TINAG: variants seen among roughly 807,000 people sequenced by gnomAD.
The protein encoded by TINAG is tubulointerstitial nephritis antigen.
TINAG carries 83 observed loss-of-function variants against 72.7 expected under a neutral mutation model. That is an observed-to-expected ratio of 1.14 (90% CI 0.96 to 1.37). The LOEUF is 1.37. TINAG is among the 40% of genes most tolerant of loss of function. The pLI is 0.00. For missense variants in TINAG, 685 were observed against 576.6 expected, an observed-to-expected ratio of 1.19 and a Z score of -1.93; for synonymous variants, 234 against 189.9, an observed-to-expected ratio of 1.23 and a Z score of -1.91.
chr6:54,372,789 T>C (rs960600453), intron 9 of TINAG, among the ~76,000 whole-genome samples: 4 of 140,584 alleles, frequency 2.8e-5, no homozygotes, highest in African/African-American at 1.1e-4. Context: ...CACACACATA[T>C]ACATGACAAT....
intron 1 of TINAG, among the ~76,000 whole-genome samples, chr6:54,310,477 CCT>C (rs1491084184): frequency 7.4e-5 from 9 of 121,206 alleles, no homozygotes; most frequent in Admixed American, 4.3e-4. Flanking sequence ...TTTCTCCCTC[CCT>C]CTCTTTCTTT....
intron 9 of TINAG, among the ~76,000 whole-genome samples, chr6:54,376,462 C>G (rs907926780): frequency 6.6e-6 from 1 of 151,976 alleles, no homozygotes; most frequent in Non-Finnish European, 1.5e-5. Flanking sequence ...TATTTTCAAC[C>G]CTCTCTTATT....
chr6:54,370,370 G>A (rs548971166), intron 9 of TINAG, among the ~76,000 whole-genome samples: 32 of 151,920 alleles, frequency 2.1e-4, no homozygotes, highest in Admixed American at 7.2e-4. Flanking sequence ...CTGTTATGTT[G>A]AATGACTTCC....
At chr6:54,372,835 G>A (rs1312897434) in intron 9 of TINAG, among the ~76,000 whole-genome samples, 3 of 148,656 alleles carry the variant, frequency 2.0e-5, no homozygotes, top group Non-Finnish European at 3.0e-5. Flanking sequence ...TTGTTAAAAG[G>A]CATATGTTGC....
intron 4 of TINAG, among the ~76,000 whole-genome samples, chr6:54,334,007 T>C (rs1040088802): frequency 2.0e-5 from 3 of 152,216 alleles, no homozygotes; most frequent in African/African-American, 7.2e-5. Context: ...CTTTGAACTA[T>C]CATATTGGTT....
intron 9 of TINAG, among the ~76,000 whole-genome samples, chr6:54,359,047 T>C (rs566432928): frequency 9.2e-5 from 14 of 151,898 alleles, no homozygotes; most frequent in African/African-American, 3.4e-4. Flanking sequence ...GAACAAAAGG[T>C]TTTTTTGTTA....
rs143746020 is a variant in TINAG, at chr6:54,350,391, A to T, written c.1080+495A>T. On this transcript the variant is annotated intron_variant, in intron 7 of 10. Transcript: ENST00000259782. Reference sequence around the variant, plus strand: ...TTCCCCAAGCCTTCTCGTTTTCAGAATTTGTGAACCTCCAGTGTCTTCTAA... The same window carrying T: ...TTCCCCAAGCCTTCTCGTTTTCAGATTTTGTGAACCTCCAGTGTCTTCTAA... 2.5e-3 allele frequency among the ~76,000 whole-genome samples: 381 copies of T among 152,044 alleles called. 4 individuals carry two copies. The highest frequency in any genetic ancestry group is 5.1e-3 in the Admixed American group (77 of 15,216).
intron 9 of TINAG, chr6:54,366,983 C>G (rs1763449455): frequency 6.6e-6 from 1 of 151,616 alleles, no homozygotes; most frequent in Admixed American, 6.6e-5. Flanking sequence ...GGCCATTCTT[C>G]TATTTAATGA....
chr6:54,324,718 C>CT lies in TINAG; in HGVS notation c.510-2080dup, dbSNP rs1317952677. 1.8e-4 allele frequency among the ~76,000 whole-genome samples: 27 copies of CT among 152,222 alleles called. No homozygotes were observed. In the East Asian group the frequency reaches 4.8e-3, roughly 27 times the overall value. On this transcript the variant is annotated intron_variant, in intron 3 of 10. Coordinates refer to ENST00000259782, the MANE Select transcript of TINAG (RefSeq NM_014464.4). Reference sequence around the variant, plus strand: ...TTGATGTTAGTTTGGTTCTTCCTTCCTTTTACTCTCAGTCAGTAGGTATTG... The same window carrying CT: ...TTGATGTTAGTTTGGTTCTTCCTTCCTTTTTACTCTCAGTCAGTAGGTATTG...
At chr6:54,355,566 A>C (rs1178652313) in intron 9 of TINAG, among the ~76,000 whole-genome samples, 1 of 151,938 alleles carries the variant, frequency 6.6e-6, no homozygotes, top group Admixed American at 6.6e-5. Flanking sequence ...TCAATTACAA[A>C]ATTATCACAT....
chr6:54,312,527 A>G (rs1433421537), intron 1 of TINAG, among the ~76,000 whole-genome samples: 2 of 152,154 alleles, frequency 1.3e-5, no homozygotes, highest in Non-Finnish European at 2.9e-5. Context: ...TAGTAATAAA[A>G]CATGGGTTTC....
intron 8 of TINAG, among the ~76,000 whole-genome samples, chr6:54,353,133 G>A (rs1785305114): frequency 6.6e-6 from 1 of 151,756 alleles, no homozygotes; most frequent in Non-Finnish European, 1.5e-5. Flanking sequence ...AGAAACTGCA[G>A]AAAGAAGCCA....
chr6:54,325,384 T>G (rs1784580491), intron 3 of TINAG, among the ~76,000 whole-genome samples: 1 of 152,208 alleles, frequency 6.6e-6, no homozygotes. Flanking sequence ...TAAATTGGAT[T>G]AAAATGAAAC....
At chr6:54,383,780 T>G (rs1005251019) in intron 10 of TINAG, among the ~76,000 whole-genome samples, 5 of 152,094 alleles carry the variant, frequency 3.3e-5, no homozygotes, top group Non-Finnish European at 5.9e-5. Context: ...GTTCAACCAT[T>G]GTGGAAGAGT....
At chr6:54,378,648 C>T (rs1024087055) in intron 9 of TINAG, among the ~76,000 whole-genome samples, 1 of 152,116 alleles carries the variant, frequency 6.6e-6, no homozygotes, top group African/African-American at 2.4e-5. Flanking sequence ...GTTTATTTCA[C>T]TTTTAATTTA....
intron 4 of TINAG, among the ~76,000 whole-genome samples, chr6:54,341,868 G>GC (rs1785004410): frequency 6.6e-6 from 1 of 152,136 alleles, no homozygotes; most frequent in Non-Finnish European, 1.5e-5. Context: ...AGTCCTAGGA[G>GC]CATTTCTTGT....
chr6:54,357,964 CCTT>C (rs1562171474), intron 9 of TINAG, among the ~76,000 whole-genome samples: 1 of 151,982 alleles, frequency 6.6e-6, no homozygotes, highest in Non-Finnish European at 1.5e-5. Context: ...TGAGGACTCT[CCTT>C]CTCGCCGACT....
intron 5 of TINAG, 57 bp from the exon 6 acceptor site, chr6:54,347,310 C>T: frequency 1.9e-6 from 3 of 1,576,600 alleles, no homozygotes; most frequent in Non-Finnish European, 2.6e-6. Context: ...GGGTTATGTA[C>T]CTTATTAGAA....
At chr6:54,348,301 C>A (rs1785174638) in intron 6 of TINAG, among the ~76,000 whole-genome samples, 1 of 152,042 alleles carries the variant, frequency 6.6e-6, no homozygotes, top group Non-Finnish European at 1.5e-5. Context: ...TTTGAATGGG[C>A]AACTTGGGCT....
Sources: gnomAD v4.1 joint callset for allele counts (sites outside exome capture counted in the v4.1 genomes callset) on GRCh38, gnomAD v4.1.1 for gene constraint, MANE v1.5 for transcripts, NCBI Gene and HGNC (gene_info 2026-07-23, HGNC 2026-07-21) for gene names.